The following MTMR7 variants were observed in gnomAD, a reference collection of about 807,000 sequenced individuals.
MTMR7 encodes myotubularin related protein 7, also known as phosphatidylinositol-3-phosphate phosphatase MTMR7.
Under a neutral mutation model 81.2 loss-of-function variants are expected in MTMR7, and 76 were observed. The ratio of observed to expected loss-of-function variants is 0.94; its 90% CI spans 0.78 to 1.13. MTMR7 has a LOEUF of 1.13. MTMR7 is among the 50% of genes most tolerant of loss of function. The pLI is 0.00. For missense variants in MTMR7, 1,044 were observed against 820.0 expected, an observed-to-expected ratio of 1.27 and a Z score of -3.34; for synonymous variants, 372 against 289.8, an observed-to-expected ratio of 1.28 and a Z score of -2.88.
At chr8:17,393,806 T>G (rs1327242075) in intron 1 of MTMR7, among the ~76,000 whole-genome samples, 2 of 152,192 alleles carry the variant, frequency 1.3e-5, no homozygotes, top group Non-Finnish European at 2.9e-5. Context: ...GACACGTTTA[T>G]TAATGTAACA....
chr8:17,297,763 G>T lies in MTMR7; in HGVS notation c.*2099C>A, dbSNP rs1816803323. 2 of 151,950 alleles carry T rather than the reference G, an allele frequency of 1.3e-5. No homozygotes were observed. The highest frequency in any genetic ancestry group is 4.1e-4 in the South Asian group (2 of 4,830). The allele number at this position is 151,950 out of a possible 1,614,324, so 9.4% of individuals were successfully genotyped here. ...ATTTTAGTCTTGTTGGGTTAGCCATGCTCTGAAGAATCTGTGAAAGTACAG... is the reference window on the plus strand; with the variant it reads ...ATTTTAGTCTTGTTGGGTTAGCCATTCTCTGAAGAATCTGTGAAAGTACAG... On this transcript the variant is annotated 3_prime_UTR_variant, in exon 14 of 14. Coordinates refer to ENST00000180173, the MANE Select transcript of MTMR7 (RefSeq NM_004686.5).
At chr8:17,355,715 G>C (rs1166414993) in intron 4 of MTMR7, among the ~76,000 whole-genome samples, 2 of 146,736 alleles carry the variant, frequency 1.4e-5, no homozygotes, top group African/African-American at 2.6e-5. Flanking sequence ...CAAATTATTG[G>C]CTACATTATA....
intron 1 of MTMR7, among the ~76,000 whole-genome samples, chr8:17,410,239 C>T (rs559096845): frequency 6.6e-6 from 1 of 152,062 alleles, no homozygotes; most frequent in Non-Finnish European, 1.5e-5. Context: ...GAGGTTATCA[C>T]GTATTCTATT....
chr8:17,404,075 C>T lies in MTMR7; in HGVS notation c.24+9194G>A, dbSNP rs1002289727. On this transcript the variant is annotated intron_variant, in intron 1 of 13. Coordinates refer to ENST00000180173, the MANE Select transcript of MTMR7 (RefSeq NM_004686.5). ...GATGCTTTCTGTGTGAGGAGACCCACGAAAGAAGTCCAAGCTCCAAATTAT... is the reference window on the plus strand; with the variant it reads ...GATGCTTTCTGTGTGAGGAGACCCATGAAAGAAGTCCAAGCTCCAAATTAT... 2.6e-5 allele frequency among the ~76,000 whole-genome samples: 4 copies of T among 151,802 alleles called. No homozygotes were observed. The South Asian group carries it at 6.2e-4, about 24-fold the overall frequency.
At chr8:17,382,568 C>CGTCCATCCATCT (rs1820792133) in intron 1 of MTMR7, among the ~76,000 whole-genome samples, 1 of 152,146 alleles carries the variant, frequency 6.6e-6, no homozygotes, top group South Asian at 2.1e-4. Flanking sequence ...CACATCCATC[C>CGTCCATCCATCT]GTCCATCCAT....
chr8:17,373,092 G>A lies in MTMR7; in HGVS notation c.147+26C>T, dbSNP rs1239043452. On this transcript the variant is annotated intron_variant, in intron 2 of 13. Transcript: ENST00000180173. ...TTTGCTTCAAACAACGCAAAACAAG[G>A]AAAGCTAAAAATAAAGAAAGCATAC... is the stretch of plus-strand genomic sequence containing the variant. The A allele has an allele frequency of 2.5e-6, 4 of 1,610,522 alleles. No individual in the cohort carries two copies. In the African/African-American group the frequency reaches 5.3e-5, roughly 22 times the overall value.
intron 1 of MTMR7, among the ~76,000 whole-genome samples, chr8:17,397,652 C>G (rs750252327): frequency 1.3e-5 from 2 of 152,210 alleles, no homozygotes; most frequent in Non-Finnish European, 2.9e-5. Flanking sequence ...GAACTCGCCA[C>G]CCTGAAGGGA....
chr8:17,406,507 A>T (rs547843614), intron 1 of MTMR7, among the ~76,000 whole-genome samples: 1 of 152,218 alleles, frequency 6.6e-6, no homozygotes, highest in Non-Finnish European at 1.5e-5. Flanking sequence ...ATGATATGGA[A>T]AAACTGGAAC....
At chr8:17,341,217 G>A in intron 6 of MTMR7, 146 bp downstream of exon 6, 1 of 986,310 alleles carries the variant, frequency 1.0e-6, no homozygotes. Context: ...GTAGCCAGCA[G>A]GGTGCCCAGA....
At chr8:17,369,556 T>C (rs1162360113) in intron 3 of MTMR7, among the ~76,000 whole-genome samples, 2 of 152,130 alleles carry the variant, frequency 1.3e-5, no homozygotes, top group South Asian at 2.1e-4. Flanking sequence ...ACTACTTCTG[T>C]GTAGCACAAC....
chr8:17,362,303 C>T (rs372869461), intron 3 of MTMR7, among the ~76,000 whole-genome samples: 2 of 152,114 alleles, frequency 1.3e-5, no homozygotes, highest in East Asian at 1.9e-4. Flanking sequence ...GGCACTTAAC[C>T]GCATACCTCA....
At chr8:17,322,363 A>G (rs1304942086) in intron 7 of MTMR7, among the ~76,000 whole-genome samples, 1 of 152,250 alleles carries the variant, frequency 6.6e-6, no homozygotes, top group Non-Finnish European at 1.5e-5. Context: ...AAAATCAAGC[A>G]GCAAGTTCAT....
chr8:17,364,031 T>A (rs1563359342), intron 3 of MTMR7, among the ~76,000 whole-genome samples: 3 of 135,688 alleles, frequency 2.2e-5, no homozygotes, highest in Non-Finnish European at 3.2e-5. Context: ...ATTTTTTTTT[T>A]TTTTTTTTTT....
At chr8:17,405,855 CACACACACACACACACACACA>C in intron 1 of MTMR7, among the ~76,000 whole-genome samples, 2 of 84,740 alleles carry the variant, frequency 2.4e-5, no homozygotes, top group African/African-American at 8.0e-5. Flanking sequence ...CACACACACA[CACACACACACACACACACACA>C]CACCACAGAG....
chr8:17,376,115 T>C (rs941348113), intron 1 of MTMR7, among the ~76,000 whole-genome samples: 1 of 152,230 alleles, frequency 6.6e-6, no homozygotes, highest in Non-Finnish European at 1.5e-5. Flanking sequence ...AAAATCAATT[T>C]ACCCTCTGTC....
intron 7 of MTMR7, among the ~76,000 whole-genome samples, chr8:17,328,619 A>G (rs987216393): frequency 1.3e-5 from 2 of 152,186 alleles, no homozygotes; most frequent in African/African-American, 4.8e-5. Flanking sequence ...AATGCCTGCT[A>G]GGCTTAACAG....
In MTMR7 at chr8:17,347,068, C is replaced by T. The variant is rs111235927; in HGVS notation, c.597+1885G>A. 1.2e-4 allele frequency among the ~76,000 whole-genome samples: 18 copies of T among 151,670 alleles called. No homozygotes were observed. In the East Asian group the frequency reaches 2.0e-3, roughly 16 times the overall value. On this transcript the variant is annotated intron_variant, in intron 5 of 13. Transcript: ENST00000180173. ...ACAATTAGCTGGGCCGGGTGGCACACGCGTGGTCCCAGTGACTCGGGAGGC... is the reference window on the plus strand; with the variant it reads ...ACAATTAGCTGGGCCGGGTGGCACATGCGTGGTCCCAGTGACTCGGGAGGC...
chr8:17,387,664 G>A (rs182077274), intron 1 of MTMR7, among the ~76,000 whole-genome samples: 262 of 152,288 alleles, frequency 1.7e-3, no homozygotes, highest in African/African-American at 6.0e-3. Flanking sequence ...GGTACTTGGG[G>A]TACTTGATAC....
At chr8:17,333,258 A>G in intron 6 of MTMR7, among the ~76,000 whole-genome samples, 1 of 152,216 alleles carries the variant, frequency 6.6e-6, no homozygotes, top group Admixed American at 6.5e-5. Flanking sequence ...TATTAAAATA[A>G]TGCATTTTAA....
Sources: gnomAD v4.1 joint callset for allele counts (sites outside exome capture counted in the v4.1 genomes callset) on GRCh38, gnomAD v4.1.1 for gene constraint, MANE v1.5 for transcripts, NCBI Gene and HGNC (gene_info 2026-07-23, HGNC 2026-07-21) for gene names.